Variants in LPP observed in about 807,000 individuals in gnomAD.
LPP encodes LIM domain containing preferred translocation partner in lipoma.
LPP carries 38 observed loss-of-function variants against 60.4 expected under a neutral mutation model. The ratio of observed to expected loss-of-function variants is 0.63; its 90% CI spans 0.49 to 0.83. The LOEUF is 0.83. LPP is among the 40% of genes least tolerant of loss of function. LPP has a pLI of 0.00. For synonymous variants in LPP, 328 were observed against 290.8 expected (o/e 1.13, Z -1.30); for missense variants, 902 against 783.6 (o/e 1.15, Z -1.80).
intron 9 of LPP, among the ~76,000 whole-genome samples, chr3:188,768,274 C>T (rs912566609): frequency 2.0e-5 from 3 of 152,092 alleles, no homozygotes; most frequent in South Asian, 2.1e-4. Context: ...TAGCAAAAAA[C>T]GAGATGCTTA....
At chr3:188,215,209 G>A (rs1227790551) in intron 1 of LPP, among the ~76,000 whole-genome samples, 1 of 152,202 alleles carries the variant, frequency 6.6e-6, no homozygotes, top group East Asian at 1.9e-4. Context: ...AGAAGGTGGG[G>A]ATGGGAGGAT....
intron 4 of LPP, among the ~76,000 whole-genome samples, chr3:188,459,781 A>G (rs1798579933): frequency 1.3e-5 from 2 of 152,170 alleles, no homozygotes; most frequent in African/African-American, 4.8e-5. Flanking sequence ...ATTATTATCA[A>G]TAGAATCAGA....
intron 5 of LPP, among the ~76,000 whole-genome samples, chr3:188,500,820 A>AT (rs1811608391): frequency 6.6e-6 from 1 of 151,800 alleles, no homozygotes; most frequent in Non-Finnish European, 1.5e-5. Flanking sequence ...GGGTTATCGA[A>AT]TTTTTTGCCA....
intron 7 of LPP, among the ~76,000 whole-genome samples, chr3:188,614,449 A>C (rs1000194280): frequency 1.3e-5 from 2 of 152,166 alleles, no homozygotes; most frequent in African/African-American, 4.8e-5. Flanking sequence ...TGTGAAGATG[A>C]GAATGGTAGA....
At chr3:188,580,096 A>G (rs1052286571) in intron 6 of LPP, among the ~76,000 whole-genome samples, 2 of 152,216 alleles carry the variant, frequency 1.3e-5, no homozygotes, top group African/African-American at 4.8e-5. Context: ...CTCGGCTTAT[A>G]CAAACCATAG....
intron 3 of LPP, among the ~76,000 whole-genome samples, chr3:188,343,273 A>G (rs1227662513): frequency 6.6e-6 from 1 of 152,176 alleles, no homozygotes; most frequent in Non-Finnish European, 1.5e-5. Context: ...TTTGGAAGCC[A>G]TCATTCTCAG....
chr3:188,194,109 C>G (rs1478131560), intron 1 of LPP, among the ~76,000 whole-genome samples: 1 of 152,314 alleles, frequency 6.6e-6, no homozygotes, highest in Non-Finnish European at 1.5e-5. Context: ...GCTCCCTATT[C>G]TCTGTTGGTG....
chr3:188,618,400 G>C (rs1230729475), intron 7 of LPP, among the ~76,000 whole-genome samples: 1 of 152,092 alleles, frequency 6.6e-6, no homozygotes, highest in African/African-American at 2.4e-5. Flanking sequence ...TCTCATATAA[G>C]AAAAACTCTG....
chr3:188,370,419 C>T (rs996959883), intron 3 of LPP, among the ~76,000 whole-genome samples: 2 of 152,090 alleles, frequency 1.3e-5, no homozygotes, highest in Non-Finnish European at 2.9e-5. Flanking sequence ...CTAGCAATCC[C>T]AGGTGTGTTA....
intron 6 of LPP, among the ~76,000 whole-genome samples, chr3:188,599,751 G>GGGGTGT (rs374294307): frequency 0.038 from 5,305 of 139,882 alleles, 137 homozygotes; most frequent in East Asian, 0.096. Flanking sequence ...ACTCGTTAGG[G>GGGGTGT]GTGTGTGTGT....
chr3:188,746,363 C>A, intron 8 of LPP: 1 of 438,488 alleles, frequency 2.3e-6, no homozygotes, highest in Non-Finnish European at 4.6e-6. Context: ...GAAAAACACG[C>A]TGAATAGATG....
At chr3:188,502,959 T>TA (rs1419053750) in intron 5 of LPP, among the ~76,000 whole-genome samples, 2 of 152,166 alleles carry the variant, frequency 1.3e-5, no homozygotes, top group Middle Eastern at 3.4e-3. Flanking sequence ...CATCATATGG[T>TA]AAAAAAATTG....
rs76021423 is a variant in LPP, at chr3:188,724,536, T to A, written c.1240+16143T>A. ...GTACCAGATGTCTGCTGAGACAGTG[T>A]CTTTGCCCTCCTACATGGGTAGTAG... is the stretch of plus-strand genomic sequence containing the variant. On this transcript the variant is annotated intron_variant, in intron 8 of 11. Transcript: ENST00000617246. Among the ~76,000 whole-genome samples, 654 of 152,328 alleles carry A rather than the reference T, an allele frequency of 4.3e-3. 27 individuals carry two copies. The East Asian group carries it at 0.069, about 16-fold the overall frequency.
At position 188,886,639 on chromosome 3, in the gene LPP, A is replaced by G. The variant is rs73888970; in HGVS notation, c.*12160A>G. On this transcript the variant is annotated 3_prime_UTR_variant, in exon 12 of 12. Transcript: ENST00000617246. ...TTATCTTCACATAATATAAAGAAAA[A>G]ACTAATAAAAATTTTCGTATTTCAC... The G allele has an allele frequency of 4.0e-3, 874 of 216,116 alleles. 8 individuals carry two copies. The highest frequency in any genetic ancestry group is 0.018 in the African/African-American group (800 of 43,944). 13.4% of individuals were successfully genotyped at this position (216,116 alleles called of 1,614,324 possible). A position where few individuals can be genotyped will look rare whatever the true frequency, so the allele number is the denominator to read the frequency against.
At chr3:188,275,756 A>T (rs1290288772) in intron 2 of LPP, among the ~76,000 whole-genome samples, 1 of 151,548 alleles carries the variant, frequency 6.6e-6, no homozygotes, top group East Asian at 1.9e-4. Context: ...GCTCACTGCA[A>T]CCTCCACTTC....
At chr3:188,810,845 A>G (rs1750724592) in intron 9 of LPP, among the ~76,000 whole-genome samples, 1 of 152,150 alleles carries the variant, frequency 6.6e-6, no homozygotes, top group Non-Finnish European at 1.5e-5. Flanking sequence ...CATCTTGTAC[A>G]GAAGCCATAA....
intron 1 of LPP, among the ~76,000 whole-genome samples, chr3:188,223,287 G>A (rs1285281524): frequency 2.0e-5 from 3 of 152,162 alleles, no homozygotes; most frequent in South Asian, 2.1e-4. Context: ...TTAAAGGGAA[G>A]CTTTTATAGA....
At chr3:188,173,043 A>AT (rs1233187394) in intron 1 of LPP, among the ~76,000 whole-genome samples, 2 of 151,960 alleles carry the variant, frequency 1.3e-5, no homozygotes. Flanking sequence ...AAATTTTTGT[A>AT]TTTTTTGTAG....
chr3:188,159,119 C>G (rs1289579959), intron 1 of LPP, among the ~76,000 whole-genome samples: 1 of 151,798 alleles, frequency 6.6e-6, no homozygotes, highest in Non-Finnish European at 1.5e-5. Context: ...TGTAGAGAGG[C>G]AGTTAGGGTC....
Sources: allele counts gnomAD v4.1 joint callset (sites outside exome capture counted in the v4.1 genomes callset), GRCh38; gene constraint gnomAD v4.1.1; transcripts MANE v1.5; gene names NCBI Gene and HGNC (gene_info 2026-07-23, HGNC 2026-07-21).